The following XPOT variants were observed in gnomAD, a reference collection of about 807,000 sequenced individuals.
XPOT encodes the protein exportin-T.
XPOT carries 34 observed loss-of-function variants against 128.2 expected under a neutral mutation model. That is an observed-to-expected ratio of 0.27 (90% CI 0.20 to 0.35). The LOEUF (loss-of-function observed/expected upper bound fraction) is 0.35. XPOT is among the 10% of genes least tolerant of loss of function. The pLI, the probability that XPOT is intolerant of heterozygous loss-of-function variation, is 1.00. For synonymous variants in XPOT, 348 were observed against 394.3 expected, an observed-to-expected ratio of 0.88 and a Z score of 1.39; for missense variants, 838 against 1,125.3, an observed-to-expected ratio of 0.74 and a Z score of 3.65.
chr12:64,432,231 A>T (rs982862378), intron 18 of XPOT, among the ~76,000 whole-genome samples: 2 of 151,738 alleles, frequency 1.3e-5, no homozygotes, highest in African/African-American at 4.8e-5. Flanking sequence ...CTTACATAGT[A>T]CCTCTTTTTT....
intron 3 of XPOT, 81 bp from the exon 4 acceptor site, chr12:64,416,617 A>AT (rs1196482743): frequency 8.8e-7 from 1 of 1,137,222 alleles, no homozygotes; most frequent in East Asian, 2.3e-5. Context: ...TTTCTGCTGT[A>AT]TTACTCATTA....
At chr12:64,409,225 G>C (rs950202942) in intron 1 of XPOT, among the ~76,000 whole-genome samples, 1 of 152,168 alleles carries the variant, frequency 6.6e-6, no homozygotes, top group Admixed American at 6.5e-5. Flanking sequence ...TTTGTATCTG[G>C]AAGTAGACAA....
At chr12:64,414,580 A>G (rs1278020172) in intron 2 of XPOT, among the ~76,000 whole-genome samples, 3 of 152,124 alleles carry the variant, frequency 2.0e-5, no homozygotes, top group East Asian at 1.9e-4. Context: ...ATCCTCTGCA[A>G]TTTCTCAGTA....
At chr12:64,442,478 C>G (rs546282300) in intron 23 of XPOT, 2 of 152,342 alleles carry the variant, frequency 1.3e-5, no homozygotes, top group African/African-American at 4.8e-5. Flanking sequence ...ATATCAATTA[C>G]CCTAGCCCAT....
intron 22 of XPOT, among the ~76,000 whole-genome samples, chr12:64,436,227 C>T (rs1485392486): frequency 6.6e-6 from 1 of 151,854 alleles, no homozygotes; most frequent in African/African-American, 2.4e-5. Context: ...TCCCAAAGTG[C>T]TGGGATTACA....
intron 17 of XPOT, among the ~76,000 whole-genome samples, chr12:64,430,929 T>C (rs2040233470): frequency 6.6e-6 from 1 of 152,118 alleles, no homozygotes; most frequent in Admixed American, 6.6e-5. Context: ...GTAGGATTTT[T>C]CTCTTTTTTT....
At chr12:64,439,879 T>TCAAACTTGATTAAAACTAGAATTA (rs1264662113) in intron 23 of XPOT, among the ~76,000 whole-genome samples, 3 of 152,254 alleles carry the variant, frequency 2.0e-5, no homozygotes, top group Non-Finnish European at 2.9e-5. Context: ...TAATGAAGTA[T>TCAAACTTGATTAAAACTAGAATTA]CAAACTTGAT....
intron 18 of XPOT, among the ~76,000 whole-genome samples, chr12:64,432,460 A>G (rs1374782960): frequency 6.6e-6 from 1 of 152,112 alleles, no homozygotes; most frequent in East Asian, 1.9e-4. Context: ...TGACCAGGCT[A>G]ATCTCGAACT....
At chr12:64,413,680 C>T (rs934497201) in intron 2 of XPOT, among the ~76,000 whole-genome samples, 11 of 152,058 alleles carry the variant, frequency 7.2e-5, no homozygotes, top group Admixed American at 6.6e-4. Flanking sequence ...GAAACTATCA[C>T]CTAAATATAA....
At chr12:64,435,079 T>TTCTTA (rs1406578213) in intron 21 of XPOT, among the ~76,000 whole-genome samples, 170 bp downstream of exon 21, 1 of 151,298 alleles carries the variant, frequency 6.6e-6, no homozygotes, top group Non-Finnish European at 1.5e-5. Flanking sequence ...TTTTTATGAA[T>TTCTTA]TCTTATTGAA....
chr12:64,441,364 G>A (rs908406228), intron 23 of XPOT, among the ~76,000 whole-genome samples: 1 of 152,130 alleles, frequency 6.6e-6, no homozygotes, highest in African/African-American at 2.4e-5. Context: ...AACTACAAAC[G>A]CCTGGACTCA....
intron 21 of XPOT, among the ~76,000 whole-genome samples, chr12:64,435,252 C>T (rs2040273138): frequency 6.6e-6 from 1 of 152,092 alleles, no homozygotes; most frequent in African/African-American, 2.4e-5. Flanking sequence ...GTGGTTTTCC[C>T]TAATCATTAA....
Position 64,434,608 on chromosome 12 carries a change from T to A in XPOT, c.2554T>A (p.Leu852Met), listed in dbSNP as rs1384100311. 2 of 1,613,430 alleles carry A rather than the reference T, an allele frequency of 1.2e-6. No homozygotes were observed. The highest frequency in any genetic ancestry group is 1.7e-6 in the Non-Finnish European group (2 of 1,179,516). The change falls in exon 20 of 25, where the codon TTG becomes ATG. Residue 852 changes from leucine to methionine, a missense_variant. By Grantham distance (15) the Leu-to-Met change is conservative. Transcript: ENST00000332707. ...AACATGTTTTATCATCCTCTCAAAG[T>A]TGGTAGAACTCTGGGGTAAGATAAT... is the stretch of plus-strand genomic sequence containing the variant. ...QKTCFIILSKLVELWGGKDGP... is the reference protein window; with the variant it reads ...QKTCFIILSKMVELWGGKDGP...
intron 23 of XPOT, among the ~76,000 whole-genome samples, chr12:64,443,518 G>A (rs1002578380): frequency 1.3e-5 from 2 of 151,990 alleles, no homozygotes; most frequent in African/African-American, 2.4e-5. Flanking sequence ...GCAGTGGTGC[G>A]ATCTTGGCTC....
At chr12:64,408,110 C>T (rs1450319094) in intron 1 of XPOT, among the ~76,000 whole-genome samples, 1 of 151,994 alleles carries the variant, frequency 6.6e-6, no homozygotes, top group Non-Finnish European at 1.5e-5. Flanking sequence ...AGCCCCACAG[C>T]CTTTTTTTGT....
intron 22 of XPOT, among the ~76,000 whole-genome samples, chr12:64,438,599 G>GGA (rs1363759464): frequency 2.0e-5 from 3 of 151,824 alleles, no homozygotes; most frequent in African/African-American, 7.3e-5. Context: ...GGTAGTGCAA[G>GGA]GAAGAGTACA....
intron 1 of XPOT, among the ~76,000 whole-genome samples, chr12:64,407,752 C>T (rs2039996326): frequency 1.3e-5 from 2 of 152,152 alleles, no homozygotes; most frequent in Non-Finnish European, 1.5e-5. Flanking sequence ...CCTTGCTGAC[C>T]TGGTGTGCAG....
intron 24 of XPOT, 81 bp downstream of exon 24, chr12:64,445,212 T>C (rs1391556461): frequency 9.2e-7 from 1 of 1,089,738 alleles, no homozygotes; most frequent in East Asian, 2.5e-5. Flanking sequence ...CCTGCAATTA[T>C]AGATGTTTAT....
chr12:64,430,181 C>T lies in XPOT; in HGVS notation c.1870C>T (p.Leu624=), dbSNP rs749940285. The change falls in exon 17 of 25, where the codon CTA becomes TTA. Residue 624 remains leucine (L), a synonymous_variant. Transcript: ENST00000332707. ...CTTAATGAGGAATCTGTTGACTCCACTAATGGAGAAGTTTAAAATTCTGTT... is the reference window on the plus strand; with the variant it reads ...CTTAATGAGGAATCTGTTGACTCCATTAATGGAGAAGTTTAAAATTCTGTT... ...QALMRNLLTP[L]MEKFKILLEK... is the part of the protein sequence containing the mutation. The T allele has an allele frequency of 6.8e-6, 11 of 1,613,414 alleles. No homozygotes were observed. In the East Asian group the frequency reaches 2.0e-4, roughly 29 times the overall value.
Sources: allele counts gnomAD v4.1 joint callset (sites outside exome capture counted in the v4.1 genomes callset), GRCh38; gene constraint gnomAD v4.1.1; transcripts MANE v1.5; gene names NCBI Gene and HGNC (gene_info 2026-07-23, HGNC 2026-07-21).